CFAP91: variants seen among roughly 807,000 people sequenced by gnomAD.
CFAP91 encodes cilia and flagella associated protein 91.
CFAP91 carries 85 observed loss-of-function variants against 95.9 expected under a neutral mutation model. The ratio of observed to expected loss-of-function variants is 0.89; its 90% CI spans 0.74 to 1.06. The LOEUF (loss-of-function observed/expected upper bound fraction) is 1.06, where lower values mean the gene tolerates loss of function less well. Ranked by LOEUF, CFAP91 falls within the 50% of genes least tolerant of loss-of-function variation. The probability of loss-of-function intolerance (pLI) is 0.00; values close to 1 mark genes in which losing one functional copy is unlikely to be tolerated. For synonymous variants in CFAP91, 335 were observed against 327.5 expected (o/e 1.02, Z -0.25); for missense variants, 962 against 943.4 (o/e 1.02, Z -0.26).
Position 119,751,769 on chromosome 3 carries a change from G to A in CFAP91, c.*1+671G>A, listed in dbSNP as rs368419664. ...TACAAGGAAAAGAGGTTCACACCGG[G>A]TGGGTACAGGAGCTGCCCTGGCGTA... is the stretch of plus-strand genomic sequence containing the variant. On this transcript the variant is annotated intron_variant, in intron 17 of 17. Coordinates refer to ENST00000273390, the MANE Select transcript of CFAP91 (RefSeq NM_033364.4). Among the ~76,000 whole-genome samples, 6 of 152,226 alleles carry A rather than the reference G, an allele frequency of 3.9e-5. No homozygotes were observed. The East Asian group carries it at 1.2e-3, about 29-fold the overall frequency.
chr3:119,761,807 T>A (rs956280328), intron 17 of CFAP91, among the ~76,000 whole-genome samples: 55 of 151,726 alleles, frequency 3.6e-4, no homozygotes, highest in Admixed American at 7.9e-4. Flanking sequence ...CAAAAAAAAC[T>A]CTTAACAGAT....
intron 6 of CFAP91, among the ~76,000 whole-genome samples, chr3:119,721,543 T>C (rs1301134123): frequency 6.6e-6 from 1 of 152,238 alleles, no homozygotes; most frequent in Non-Finnish European, 1.5e-5. Flanking sequence ...GGCATTTTTC[T>C]ATGTAATAAT....
At chr3:119,707,334 A>G (rs2053385056) in intron 2 of CFAP91, 70 bp from the exon 3 acceptor site, 1 of 1,152,510 alleles carries the variant, frequency 8.7e-7, no homozygotes, top group Non-Finnish European at 1.2e-6. Context: ...AAGAGTTTAC[A>G]ATGTAATTAA....
At chr3:119,733,288 A>G in intron 9 of CFAP91, 76 bp from the exon 10 acceptor site, 2 of 1,496,534 alleles carry the variant, frequency 1.3e-6, no homozygotes, top group Non-Finnish European at 1.8e-6. Context: ...GCAAACAGCT[A>G]CAAAAGTTAA....
At position 119,722,628 on chromosome 3, in the gene CFAP91, A is replaced by G. The variant is rs1301639927; in HGVS notation, c.683-3543A>G. ...CCCATCCTCCCAAGTAGCTGGGGCC[A>G]CAAGTCCACACCACCATGCCATGCT... On this transcript the variant is annotated intron_variant, in intron 6 of 17. Transcript: ENST00000273390. 2.6e-5 allele frequency among the ~76,000 whole-genome samples: 4 copies of G among 152,100 alleles called. No individual in the cohort carries two copies. The South Asian group carries it at 8.3e-4, about 31-fold the overall frequency.
At chr3:119,730,163 C>T (rs984109906) in intron 7 of CFAP91, 57 bp from the exon 8 acceptor site, 212 of 1,552,314 alleles carry the variant, frequency 1.4e-4, no homozygotes, top group Non-Finnish European at 1.8e-4. Context: ...GCAGCTGTTC[C>T]CTTGCCCTCT....
intron 13 of CFAP91, 106 bp downstream of exon 13, chr3:119,740,801 A>G: frequency 7.9e-7 from 1 of 1,266,670 alleles, no homozygotes; most frequent in Non-Finnish European, 1.1e-6. Context: ...GATGAAAAAG[A>G]AACAGCCCCA....
Position 119,765,644 on chromosome 3 carries a change from G to A in CFAP91, c.*594G>A, listed in dbSNP as rs574629153. The A allele has an allele frequency of 5.3e-5, 8 of 152,304 alleles. No homozygotes were observed. In the East Asian group the frequency reaches 1.5e-3, roughly 29 times the overall value. The allele number at this position is 152,304 out of a possible 1,614,324, so 9.4% of individuals were successfully genotyped here. ...CACATCAACCCACCTTTGAGCTTTA[G>A]ATCTAAGAAGTGTGTTCATGCAACA... On this transcript the variant is annotated 3_prime_UTR_variant, in exon 18 of 18. Transcript: ENST00000273390.
intron 4 of CFAP91, among the ~76,000 whole-genome samples, chr3:119,709,434 C>A (rs112649004): frequency 2.6e-5 from 4 of 152,286 alleles, no homozygotes; most frequent in African/African-American, 9.6e-5. Flanking sequence ...TAGGGGGAGG[C>A]TTCATATTAA....
Position 119,703,061 on chromosome 3 carries a change from C to A in CFAP91, c.-38C>A. On this transcript the variant is annotated 5_prime_UTR_variant, in exon 1 of 18. Coordinates refer to ENST00000273390, the MANE Select transcript of CFAP91 (RefSeq NM_033364.4). ...GTGCACGCAGTAGCCAGGCCTGACC[C>A]GCTGGTCCCTTGCTGGCGGGAGGAA... The A allele has an allele frequency of 5.8e-6, 9 of 1,548,126 alleles. No individual in the cohort carries two copies. The highest frequency in any genetic ancestry group is 7.9e-6 in the Non-Finnish European group (9 of 1,145,674).
At chr3:119,725,747 ACCTTG>A in intron 6 of CFAP91, among the ~76,000 whole-genome samples, 1 of 151,606 alleles carries the variant, frequency 6.6e-6, no homozygotes, top group African/African-American at 2.4e-5. Context: ...ACAGAGTGAG[ACCTTG>A]ATTCACAAAA....
rs1454607777 is a variant in CFAP91 at position 119,732,312 on chromosome 3, G to A, written c.1037G>A (p.Gly346Glu). The part of the protein sequence containing the change: ...THVSTIRKLV[G>E]KRKNIEGKLE... ...ATTTCAGCAATCAGAAAACTTGTAG[G>A]AAAGAGAAAGAATATAGAAGGGAAG... The change falls in exon 9 of 18, where the codon GGA (glycine) becomes GAA (glutamate). Residue 346 changes from glycine (G) to glutamate (E), a missense_variant. Coordinates refer to ENST00000273390, the MANE Select transcript of CFAP91 (RefSeq NM_033364.4). The A allele has an allele frequency of 4.4e-6, 7 of 1,601,342 alleles. No homozygotes were observed. Among genetic ancestry groups the A allele is most frequent in the Non-Finnish European group, 6.0e-6 (7 of 1,173,638 alleles).
chr3:119,746,488 G>A (rs879775453), intron 14 of CFAP91, among the ~76,000 whole-genome samples: 15 of 152,140 alleles, frequency 9.9e-5, no homozygotes, highest in Non-Finnish European at 1.3e-4. Context: ...CTCCTAGGTC[G>A]TAGGCCTTCT....
At chr3:119,744,300 G>GCATA in intron 14 of CFAP91, 104 bp downstream of exon 14, 2 of 866,948 alleles carry the variant, frequency 2.3e-6, no homozygotes, top group Non-Finnish European at 3.5e-6. Context: ...TTTATGCATT[G>GCATA]AGTTCCTACT....
At chr3:119,747,543 C>T (rs1206517515) in intron 15 of CFAP91, 2 of 558,096 alleles carry the variant, frequency 3.6e-6, no homozygotes, top group Non-Finnish European at 6.3e-6. Context: ...ATTACTGGGA[C>T]TTCATCCCAA....
intron 5 of CFAP91, among the ~76,000 whole-genome samples, chr3:119,714,680 A>G (rs2053542352): frequency 6.6e-6 from 1 of 152,162 alleles, no homozygotes; most frequent in Non-Finnish European, 1.5e-5. Flanking sequence ...TTAACTGCCT[A>G]ATTGATTTAC....
chr3:119,745,791 A>G (rs1387003829), intron 14 of CFAP91, among the ~76,000 whole-genome samples: 1 of 152,194 alleles, frequency 6.6e-6, no homozygotes, highest in African/African-American at 2.4e-5. Context: ...TTTGGTTGAT[A>G]CTGTATTAAA....
At position 119,732,410 on chromosome 3, in the gene CFAP91, G is replaced by GT. The variant is rs750647817; in HGVS notation, c.1135_1136insT (p.Gly379ValfsTer22). 1.9e-6 allele frequency: 3 copies of GT among 1,612,926 alleles called. No individual in the cohort carries two copies. The highest frequency in any genetic ancestry group is 2.5e-6 in the Non-Finnish European group (3 of 1,179,544). On this transcript the variant is annotated frameshift_variant, in exon 9 of 18. Transcript: ENST00000273390. LOFTEE classifies it high-confidence loss of function. ...GGTCTATGGACCTCTGTCTCGTCTT[G>GT]GGTGTTTCCCAGACAACAACTCAGA...
intron 1 of CFAP91, 58 bp from the exon 2 acceptor site, chr3:119,706,751 C>A: frequency 7.7e-7 from 1 of 1,299,480 alleles, no homozygotes; most frequent in Non-Finnish European, 1.1e-6. Flanking sequence ...TGCCATTATT[C>A]TCAGCCTAGG....
Sources: gnomAD v4.1 joint callset for allele counts (sites outside exome capture counted in the v4.1 genomes callset) on GRCh38, gnomAD v4.1.1 for gene constraint, MANE v1.5 for transcripts, NCBI Gene and HGNC (gene_info 2026-07-23, HGNC 2026-07-21) for gene names.